SGIP1: variants seen among roughly 807,000 people sequenced by gnomAD.
The protein encoded by SGIP1 is SH3-containing GRB2-like protein 3-interacting protein 1.
SGIP1 carries 38 observed loss-of-function variants against 107.5 expected under a neutral mutation model. That is an observed-to-expected ratio of 0.35 (90% confidence interval 0.27 to 0.46). The LOEUF (loss-of-function observed/expected upper bound fraction) is 0.46, where lower values mean the gene tolerates loss of function less well. SGIP1 is among the 20% of genes least tolerant of loss of function. The pLI, the probability that SGIP1 is intolerant of heterozygous loss-of-function variation, is 1.00. For missense variants in SGIP1, 929 were observed against 1,019.5 expected (o/e 0.91, Z 1.21); for synonymous variants, 365 against 366.1 (o/e 1.00, Z 0.03).
At position 66,731,625 on chromosome 1, in the gene SGIP1, A is replaced by G. The variant is rs191362797; in HGVS notation, c.1899-2123A>G. On this transcript the variant is annotated intron_variant, in intron 20 of 24. Transcript: ENST00000371037. ...ACAGGGCTGTGATGAGTGACCCTTT[A>G]GTCATCTATAGACTCTTTAGTTTCG... 2.0e-3 allele frequency among the ~76,000 whole-genome samples: 308 copies of G among 152,216 alleles called. 2 individuals are homozygous for G. The highest frequency in any genetic ancestry group is 6.6e-3 in the African/African-American group (276 of 41,548).
At position 66,644,344 on chromosome 1, in the gene SGIP1, G is replaced by T. The variant is rs562415974; in HGVS notation, c.459+625G>T. ...TTCCTACAGACAAGCTAAGATTTGG[G>T]GTAAAAAAAAAAAAGAGATTATTTT... On this transcript the variant is annotated intron_variant, in intron 7 of 24. Transcript: ENST00000371037. Among the ~76,000 whole-genome samples the T allele has an allele frequency of 1.7e-4, 23 of 137,994 alleles. No homozygotes were observed. The East Asian group carries it at 4.1e-3, about 25-fold the overall frequency. The allele number at this position is 137,994 out of a possible 152,430, so 90.5% of individuals were successfully genotyped here.
At chr1:66,579,394 A>G (rs1042943159) in intron 1 of SGIP1, among the ~76,000 whole-genome samples, 9 of 152,206 alleles carry the variant, frequency 5.9e-5, no homozygotes, top group Non-Finnish European at 1.0e-4. Context: ...ATAAGGTTTC[A>G]TAAGATGATA....
intron 18 of SGIP1, among the ~76,000 whole-genome samples, chr1:66,717,672 A>C (rs1226228069): frequency 6.6e-6 from 1 of 152,122 alleles, no homozygotes; most frequent in African/African-American, 2.4e-5. Flanking sequence ...TAAGCTTTGA[A>C]CTCATACATA....
intron 2 of SGIP1, 67 bp from the exon 3 acceptor site, chr1:66,633,003 T>G: frequency 1.0e-6 from 1 of 1,000,128 alleles, no homozygotes; most frequent in East Asian, 2.4e-5. Flanking sequence ...TTCTTACTGT[T>G]GTACTTTAGT....
intron 1 of SGIP1, among the ~76,000 whole-genome samples, chr1:66,553,176 C>T (rs1437406750): frequency 6.6e-6 from 1 of 152,112 alleles, no homozygotes; most frequent in African/African-American, 2.4e-5. Flanking sequence ...TGGTGGCTTC[C>T]TGTTCATTTG....
chr1:66,620,222 T>C (rs887944756), intron 1 of SGIP1, among the ~76,000 whole-genome samples: 1 of 152,084 alleles, frequency 6.6e-6, no homozygotes, highest in African/African-American at 2.4e-5. Context: ...TTTGTGGGAG[T>C]TTTTTTAGTT....
At chr1:66,683,712 T>C (rs886310364) in intron 15 of SGIP1, among the ~76,000 whole-genome samples, 15 of 125,132 alleles carry the variant, frequency 1.2e-4, no homozygotes, top group African/African-American at 4.2e-4. Context: ...TTTTTTTTTT[T>C]TTTTTTTTTT....
rs1397429821 is a variant in SGIP1 at position 66,630,825 on chromosome 1, A to AAGAG, written c.75-2242_75-2241insGAGA. 7.1e-3 allele frequency among the ~76,000 whole-genome samples: 44 copies of AAGAG among 6,190 alleles called. 4 individuals carry two copies. The highest frequency in any genetic ancestry group is 0.04 in the African/African-American group (40 of 994). The allele number at this position is 6,190 out of a possible 152,430, so 4.1% of individuals were successfully genotyped here. On this transcript the variant is annotated intron_variant, in intron 2 of 24. Transcript: ENST00000371037. ...CCGGAAAGAAAGAAAGAAAGAAAGA[A>AAGAG]AGAAAGAAAGAAAGAAAGAAAGAAA...
At position 66,745,690 on chromosome 1, in the gene SGIP1, T is replaced by A. The variant is rs1015491820; in HGVS notation, c.*2595T>A. 1.3e-5 allele frequency: 2 copies of A among 152,074 alleles called. No homozygotes were observed. The highest frequency in any genetic ancestry group is 2.9e-5 in the Non-Finnish European group (2 of 67,930). The allele number at this position is 152,074 out of a possible 1,614,324, so 9.4% of individuals were successfully genotyped here. The stretch of plus-strand genomic sequence containing the variant: ...AGGGGTTAAAACAAAAAGAAATTGT[T>A]CTAGTTAACCAGAACACCATTTCCT... On this transcript the variant is annotated 3_prime_UTR_variant, in exon 25 of 25. Transcript: ENST00000371037.
intron 1 of SGIP1, among the ~76,000 whole-genome samples, chr1:66,601,439 C>T (rs72918429): frequency 0.035 from 5,329 of 152,002 alleles, 332 homozygotes; most frequent in African/African-American, 0.12. Flanking sequence ...CTTTATAGTG[C>T]TTCAGAAAAC....
intron 1 of SGIP1, among the ~76,000 whole-genome samples, chr1:66,562,977 T>A (rs2059163788): frequency 6.6e-6 from 1 of 152,012 alleles, no homozygotes; most frequent in African/African-American, 2.4e-5. Context: ...TTATTGTTGC[T>A]GTTGTTAAAA....
At chr1:66,597,018 C>T (rs146621804) in intron 1 of SGIP1, among the ~76,000 whole-genome samples, 3 of 152,150 alleles carry the variant, frequency 2.0e-5, no homozygotes, top group African/African-American at 7.2e-5. Flanking sequence ...CTCATCTGGC[C>T]TGACTTATCA....
intron 1 of SGIP1, among the ~76,000 whole-genome samples, chr1:66,555,193 C>T (rs562845318): frequency 6.6e-6 from 1 of 152,144 alleles, no homozygotes; most frequent in African/African-American, 2.4e-5. Flanking sequence ...ACCCAACTTC[C>T]CTCCTAGTCC....
At chr1:66,661,882 C>T (rs1232544180) in intron 8 of SGIP1, among the ~76,000 whole-genome samples, 1 of 152,124 alleles carries the variant, frequency 6.6e-6, no homozygotes, top group African/African-American at 2.4e-5. Flanking sequence ...ATCATTCCCT[C>T]ACCTCATTTT....
rs1391363445 is a variant in SGIP1 at position 66,741,399 on chromosome 1, G to T, written c.2427G>T (p.Gly809=). 2.5e-6 allele frequency: 4 copies of T among 1,600,548 alleles called. No homozygotes were observed. Among genetic ancestry groups the T allele is most frequent in the Non-Finnish European group, 3.4e-6 (4 of 1,173,480 alleles). Residue 809 remains glycine (G), a synonymous_variant, in exon 24 of 25, where the codon GGG becomes GGT. Coordinates refer to ENST00000371037, the MANE Select transcript of SGIP1 (RefSeq NM_032291.4). ...GTGACATTGAACTTGTTGGAGCAGGGTATCGATTTTCACTCATCAAGAAAA... is the reference window on the plus strand; with the variant it reads ...GTGACATTGAACTTGTTGGAGCAGGTTATCGATTTTCACTCATCAAGAAAA... ...SGCDIELVGA[G]YRFSLIKKRF...
At chr1:66,704,252 A>C (rs182537438) in intron 18 of SGIP1, 9 of 152,162 alleles carry the variant, frequency 5.9e-5, no homozygotes, top group African/African-American at 2.2e-4. Context: ...GAGTTGCTAC[A>C]TGGTCTCCCT....
At chr1:66,677,248 G>T in intron 13 of SGIP1, 152 bp downstream of exon 13, 1 of 616,594 alleles carries the variant, frequency 1.6e-6, no homozygotes. Flanking sequence ...AGGCTTTCAA[G>T]TTAAAGAACT....
chr1:66,685,990 A>G (rs187435260), intron 15 of SGIP1, among the ~76,000 whole-genome samples: 66 of 151,698 alleles, frequency 4.4e-4, no homozygotes, highest in Non-Finnish European at 4.4e-4. Flanking sequence ...TCTAAGAAAC[A>G]CAATTTGGGA....
chr1:66,631,055 GAAAGAAAGAA>G (rs1164618083), intron 2 of SGIP1, among the ~76,000 whole-genome samples: 1 of 93,330 alleles, frequency 1.1e-5, no homozygotes, highest in African/African-American at 3.7e-5. Flanking sequence ...AAGAAAGAAA[GAAAGAAAGAA>G]AGAAAGAAAG....
Sources: allele counts gnomAD v4.1 joint callset (sites outside exome capture counted in the v4.1 genomes callset), GRCh38; gene constraint gnomAD v4.1.1; transcripts MANE v1.5; gene names NCBI Gene and HGNC (gene_info 2026-07-23, HGNC 2026-07-21).